Variants in OTUD7A observed in about 807,000 individuals in gnomAD.
The protein encoded by OTUD7A is OTU domain-containing protein 7A.
A neutral mutation model predicts 65.7 loss-of-function variants in OTUD7A; 12 were observed. The ratio of observed to expected loss-of-function variants is 0.18; its 90% CI spans 0.12 to 0.30. The LOEUF (loss-of-function observed/expected upper bound fraction) is 0.30. Among genes scored for constraint, OTUD7A ranks in the 10% least tolerant of loss-of-function variants. OTUD7A has a pLI of 1.00. For synonymous variants in OTUD7A, 641 were observed against 586.3 expected (o/e 1.09, Z -1.35); for missense variants, 1,148 against 1,304.8 (o/e 0.88, Z 1.85).
At chr15:31,651,467 G>A (rs1891833148) in intron 3 of OTUD7A, among the ~76,000 whole-genome samples, 1 of 151,916 alleles carries the variant, frequency 6.6e-6, no homozygotes, top group Admixed American at 6.6e-5. Context: ...GTCTTCGTCA[G>A]TGAAATAAGA....
At chr15:31,485,993 T>G (rs1023366657) in intron 12 of OTUD7A, among the ~76,000 whole-genome samples, 1 of 152,032 alleles carries the variant, frequency 6.6e-6, no homozygotes. Context: ...GGGTGGACAC[T>G]CGGGCTGGGC....
At chr15:31,628,117 T>A (rs969803130) in intron 3 of OTUD7A, among the ~76,000 whole-genome samples, 2 of 152,224 alleles carry the variant, frequency 1.3e-5, no homozygotes, top group Non-Finnish European at 2.9e-5. Context: ...TTTGTCAATG[T>A]TGGCTTTTGT....
intron 3 of OTUD7A, among the ~76,000 whole-genome samples, chr15:31,618,620 G>A (rs1178776318): frequency 1.3e-5 from 2 of 151,976 alleles, no homozygotes; most frequent in Non-Finnish European, 2.9e-5. Flanking sequence ...ACTTGTTGAT[G>A]GGGTTGTTTT....
rs1197801196 is a variant in OTUD7A, at chr15:31,537,101, A to G, written c.551-6293T>C. ...TTTCTATCAGAATAGAAATAATGAAATATGAAGGATAAAGACTGCGAGTAA... is the reference window on the plus strand; with the variant it reads ...TTTCTATCAGAATAGAAATAATGAAGTATGAAGGATAAAGACTGCGAGTAA... On this transcript the variant is annotated intron_variant, in intron 5 of 12. Transcript: ENST00000307050. 2.6e-5 allele frequency among the ~76,000 whole-genome samples: 4 copies of G among 152,200 alleles called. No individual in the cohort carries two copies. In the East Asian group the frequency reaches 7.7e-4, roughly 29 times the overall value.
intron 1 of OTUD7A, among the ~76,000 whole-genome samples, chr15:31,657,896 C>T (rs967569010): frequency 3.3e-5 from 5 of 152,186 alleles, no homozygotes; most frequent in African/African-American, 9.7e-5. Flanking sequence ...TCTGGGTGGC[C>T]GTGCCCTGGC....
chr15:31,790,089 T>C (rs889057498), intron 1 of OTUD7A, among the ~76,000 whole-genome samples: 16 of 152,146 alleles, frequency 1.1e-4, no homozygotes, highest in Admixed American at 2.6e-4. Context: ...GATTCTACCA[T>C]GTGGAGCCAC....
At chr15:31,618,925 T>C (rs1172630074) in intron 3 of OTUD7A, among the ~76,000 whole-genome samples, 1 of 152,234 alleles carries the variant, frequency 6.6e-6, no homozygotes, top group Non-Finnish European at 1.5e-5. Flanking sequence ...GTTTAAGTCT[T>C]TAATCCATCT....
At chr15:31,566,284 CA>C (rs1888872398) in intron 4 of OTUD7A, among the ~76,000 whole-genome samples, 1 of 151,058 alleles carries the variant, frequency 6.6e-6, no homozygotes, top group Non-Finnish European at 1.5e-5. Context: ...GCCATGAGAA[CA>C]AGATAATGTA....
intron 1 of OTUD7A, among the ~76,000 whole-genome samples, chr15:31,846,660 G>A (rs1044515515): frequency 2.0e-5 from 3 of 152,026 alleles, no homozygotes; most frequent in Non-Finnish European, 2.9e-5. Flanking sequence ...AACAACCACC[G>A]CACATTCAAC....
intron 8 of OTUD7A, among the ~76,000 whole-genome samples, chr15:31,524,129 C>T (rs1316238619): frequency 6.6e-6 from 1 of 151,514 alleles, no homozygotes; most frequent in Non-Finnish European, 1.5e-5. Flanking sequence ...CTGTCCTCTT[C>T]TGAGTTTTTT....
intron 3 of OTUD7A, among the ~76,000 whole-genome samples, chr15:31,647,820 G>T (rs1173681104): frequency 6.6e-6 from 1 of 151,990 alleles, no homozygotes; most frequent in African/African-American, 2.4e-5. Flanking sequence ...GGTCCTTGCT[G>T]TCGGGGAGTT....
intron 5 of OTUD7A, among the ~76,000 whole-genome samples, chr15:31,547,076 G>C (rs182710877): frequency 4.2e-4 from 64 of 152,346 alleles, no homozygotes; most frequent in African/African-American, 1.5e-3. Flanking sequence ...TCTAGCTCCA[G>C]AGATGACTCT....
Position 31,476,136 on chromosome 15 carries a change from C to T in OTUD7A, c.*7158G>A, listed in dbSNP as rs74010654. On this transcript the variant is annotated 3_prime_UTR_variant, in exon 13 of 13. Coordinates refer to ENST00000307050, the MANE Select transcript of OTUD7A (RefSeq NM_001382637.1). ...AGCTAAGCCTGCTCCTTGCTCCTAA[C>T]AGCGCCTTTACTTGTAGGACTAAGA... 7 of 152,218 alleles carry T rather than the reference C, an allele frequency of 4.6e-5. No individual in the cohort carries two copies. The highest frequency in any genetic ancestry group is 1.7e-4 in the African/African-American group (7 of 41,448). The allele number at this position is 152,218 out of a possible 1,614,324, so 9.4% of individuals were successfully genotyped here.
chr15:31,521,047 T>A (rs2041929951), intron 8 of OTUD7A, among the ~76,000 whole-genome samples: 1 of 152,232 alleles, frequency 6.6e-6, no homozygotes. Flanking sequence ...AAATACTGCA[T>A]GTTCTCACTT....
chr15:31,509,988 A>AT (rs1359584747), intron 8 of OTUD7A, among the ~76,000 whole-genome samples: 1 of 62,534 alleles, frequency 1.6e-5, no homozygotes, highest in Non-Finnish European at 3.5e-5. Flanking sequence ...CCTCTCTGTC[A>AT]TTTTTTGTTT....
intron 10 of OTUD7A, among the ~76,000 whole-genome samples, chr15:31,493,376 A>G (rs1197043465): frequency 6.6e-5 from 10 of 152,220 alleles, no homozygotes; most frequent in African/African-American, 2.4e-4. Flanking sequence ...ACATAGCTTC[A>G]AAGTACATGA....
chr15:31,788,703 T>C (rs1307530269), intron 1 of OTUD7A, among the ~76,000 whole-genome samples: 1 of 152,116 alleles, frequency 6.6e-6, no homozygotes, highest in Non-Finnish European at 1.5e-5. Context: ...GGCCCCTTTT[T>C]ATAAACATTG....
chr15:31,680,910 A>C (rs1892698352), intron 1 of OTUD7A, among the ~76,000 whole-genome samples: 1 of 150,932 alleles, frequency 6.6e-6, no homozygotes, highest in Non-Finnish European at 1.5e-5. Flanking sequence ...TTAGGAAGTC[A>C]CTAAACCCCT....
chr15:31,520,560 T>A (rs1209125102), intron 8 of OTUD7A, among the ~76,000 whole-genome samples: 2 of 152,244 alleles, frequency 1.3e-5, no homozygotes, highest in African/African-American at 4.8e-5. Flanking sequence ...CAAGGAAACC[T>A]ATGTAAAACT....
Sources: gnomAD v4.1 joint callset for allele counts (sites outside exome capture counted in the v4.1 genomes callset) on GRCh38, gnomAD v4.1.1 for gene constraint, MANE v1.5 for transcripts, NCBI Gene and HGNC (gene_info 2026-07-23, HGNC 2026-07-21) for gene names.